PCDH15: variants seen among roughly 807,000 people sequenced by gnomAD.
PCDH15 encodes the protein protocadherin related 15.
PCDH15 carries 129 observed loss-of-function variants against 178.5 expected under a neutral mutation model. That is an observed-to-expected ratio of 0.72 (90% confidence interval 0.63 to 0.84). The LOEUF (loss-of-function observed/expected upper bound fraction) is 0.84, where lower values mean the gene tolerates loss of function less well. PCDH15 is among the 40% of genes least tolerant of loss of function. The pLI is 0.00. For synonymous variants in PCDH15, 800 were observed against 732.0 expected, an observed-to-expected ratio of 1.09 and a Z score of -1.50; for missense variants, 2,230 against 2,099.9, an observed-to-expected ratio of 1.06 and a Z score of -1.21.
At chr10:54,265,702 C>G (rs551578939) in intron 8 of PCDH15, among the ~76,000 whole-genome samples, 18 of 152,136 alleles carry the variant, frequency 1.2e-4, no homozygotes, top group African/African-American at 4.3e-4. Context: ...ACAAAGGGCT[C>G]AATTCAACAA....
At chr10:53,812,234 G>A (rs952351790) in intron 35 of PCDH15, among the ~76,000 whole-genome samples, 3 of 152,178 alleles carry the variant, frequency 2.0e-5, no homozygotes, top group Non-Finnish European at 4.4e-5. Context: ...TTGAGACGGA[G>A]TCTCGCTGAG....
intron 1 of PCDH15, among the ~76,000 whole-genome samples, chr10:54,691,383 T>A (rs1214372673): frequency 1.3e-5 from 2 of 152,112 alleles, no homozygotes; most frequent in Non-Finnish European, 2.9e-5. Flanking sequence ...ATCTTTCAGC[T>A]GTAAACCACC....
intron 2 of PCDH15, among the ~76,000 whole-genome samples, chr10:54,615,137 A>G (rs781244923): frequency 3.9e-5 from 6 of 152,092 alleles, no homozygotes; most frequent in Non-Finnish European, 7.4e-5. Context: ...AATAATAACT[A>G]TACCTCAGGC....
At chr10:54,204,230 A>G (rs2050543789) in intron 10 of PCDH15, among the ~76,000 whole-genome samples, 2 of 152,150 alleles carry the variant, frequency 1.3e-5, no homozygotes, top group African/African-American at 4.8e-5. Context: ...TCACAGGTGG[A>G]AAGTATATGG....
chr10:54,868,819 A>T (rs1363951815), intron 3 of PCDH15, among the ~76,000 whole-genome samples: 1 of 152,162 alleles, frequency 6.6e-6, no homozygotes, highest in Non-Finnish European at 1.5e-5. Flanking sequence ...AATCATGATC[A>T]TTAGCAAAAG....
intron 2 of PCDH15, among the ~76,000 whole-genome samples, chr10:55,529,283 T>C (rs1305580154): frequency 2.6e-5 from 4 of 152,140 alleles, no homozygotes; most frequent in Non-Finnish European, 5.9e-5. Flanking sequence ...TCTGGTGTTT[T>C]AGACATGAAG....
Position 54,019,018 on chromosome 10 carries a change from T to A in PCDH15, c.2751+1174A>T, listed in dbSNP as rs751752814. Among the ~76,000 whole-genome samples the A allele has an allele frequency of 8.0e-4, 122 of 152,220 alleles. 1 individual carries two copies. The highest frequency in any genetic ancestry group is 1.5e-3 in the Non-Finnish European group (99 of 67,966). ...TGGTCATTGATATACTCTATAGGCT[T>A]CTTTGCAAGTGCTTCATTTATCTTA... On this transcript the variant is annotated intron_variant, in intron 20 of 37. Coordinates refer to ENST00000644397, the MANE Select transcript of PCDH15 (RefSeq NM_001384140.1).
At chr10:55,339,817 T>C (rs1486327559) in intron 2 of PCDH15, among the ~76,000 whole-genome samples, 2 of 151,988 alleles carry the variant, frequency 1.3e-5, no homozygotes, top group Non-Finnish European at 2.9e-5. Context: ...GAAAGGTGTA[T>C]AAAGAGAAAT....
rs1274902973 is a variant in PCDH15 at position 54,428,254 on chromosome 10, C to T, written c.158-49312G>A. Among the ~76,000 whole-genome samples, 4 of 152,300 alleles carry T rather than the reference C, an allele frequency of 2.6e-5. No homozygotes were observed. The East Asian group carries it at 7.8e-4, about 30-fold the overall frequency. On this transcript the variant is annotated intron_variant, in intron 3 of 37. Transcript: ENST00000644397. Reference sequence around the variant, plus strand: ...AGAGCATCCATTGACTCATAGCTGGCTAATGTAGTGATACAAAGATGCAAC... The same window carrying T: ...AGAGCATCCATTGACTCATAGCTGGTTAATGTAGTGATACAAAGATGCAAC...
chr10:54,189,203 A>G (rs1289663264), intron 11 of PCDH15, among the ~76,000 whole-genome samples: 2 of 151,990 alleles, frequency 1.3e-5, no homozygotes, highest in African/African-American at 4.8e-5. Context: ...TTTTAAACCA[A>G]TGAAGTAAGT....
intron 13 of PCDH15, among the ~76,000 whole-genome samples, chr10:54,158,414 C>T (rs1022104725): frequency 1.3e-5 from 2 of 152,104 alleles, no homozygotes; most frequent in African/African-American, 4.8e-5. Flanking sequence ...GAAAATCTTG[C>T]CCCCATGATT....
At chr10:54,379,061 T>C (rs1948852090) in intron 3 of PCDH15, 119 bp from the exon 4 acceptor site, 2 of 1,035,840 alleles carry the variant, frequency 1.9e-6, no homozygotes, top group Middle Eastern at 5.4e-4. Context: ...AATACTCAAC[T>C]GTATATCTAG....
intron 3 of PCDH15, among the ~76,000 whole-genome samples, chr10:54,489,950 A>G (rs112149457): frequency 2.0e-5 from 3 of 152,298 alleles, no homozygotes; most frequent in African/African-American, 7.2e-5. Context: ...GTTTAGTTCA[A>G]TAACTGGCAT....
intron 3 of PCDH15, among the ~76,000 whole-genome samples, chr10:54,508,724 T>C (rs117596989): frequency 2.0e-5 from 3 of 152,218 alleles, no homozygotes; most frequent in Non-Finnish European, 2.9e-5. Flanking sequence ...CTAAAATTAA[T>C]CGCCGGATGA....
chr10:54,262,979 C>T (rs560584914), intron 8 of PCDH15, among the ~76,000 whole-genome samples: 1 of 152,322 alleles, frequency 6.6e-6, no homozygotes, highest in East Asian at 1.9e-4. Flanking sequence ...TCACGGGCTG[C>T]AAGCTCCATA....
intron 14 of PCDH15, among the ~76,000 whole-genome samples, chr10:54,147,666 GTTTTA>G (rs749821943): frequency 1.4e-3 from 218 of 151,702 alleles, no homozygotes; most frequent in Non-Finnish European, 2.2e-3. Flanking sequence ...CTTGTGGTTG[GTTTTA>G]TTTTAATATT....
chr10:53,913,395 C>A (rs1484981563), intron 25 of PCDH15, among the ~76,000 whole-genome samples: 1 of 151,992 alleles, frequency 6.6e-6, no homozygotes, highest in African/African-American at 2.4e-5. Flanking sequence ...ACACCAAAAG[C>A]AATGGCACCG....
intron 27 of PCDH15, among the ~76,000 whole-genome samples, chr10:53,865,963 C>G (rs2079420888): frequency 1.3e-5 from 2 of 152,064 alleles, no homozygotes; most frequent in African/African-American, 4.8e-5. Flanking sequence ...GGTAAAGAGT[C>G]CACAGGATAT....
chr10:55,585,792 A>C (rs1240528410), intron 2 of PCDH15, among the ~76,000 whole-genome samples: 1 of 151,952 alleles, frequency 6.6e-6, no homozygotes, highest in Non-Finnish European at 1.5e-5. Context: ...TATATATATG[A>C]GAGAGAGATA....
Sources: allele counts gnomAD v4.1 joint callset (sites outside exome capture counted in the v4.1 genomes callset), GRCh38; gene constraint gnomAD v4.1.1; transcripts MANE v1.5; gene names NCBI Gene and HGNC (gene_info 2026-07-23, HGNC 2026-07-21).